The following UGDH variants were observed in gnomAD, a reference collection of about 807,000 sequenced individuals.
The protein encoded by UGDH is UDP-glucose 6-dehydrogenase.
UGDH carries 38 observed loss-of-function variants against 50.6 expected under a neutral mutation model. The observed-to-expected ratio is 0.75, with a 90% CI of 0.58 to 0.98. UGDH has a LOEUF of 0.98. Among genes scored for constraint, UGDH ranks in the 50% least tolerant of loss-of-function variants. The pLI is 0.00. For missense variants in UGDH, 465 were observed against 606.2 expected (o/e 0.77, Z 2.45); for synonymous variants, 168 against 199.9 (o/e 0.84, Z 1.35).
At chr4:39,516,944 T>C (rs1746459414) in intron 2 of UGDH, among the ~76,000 whole-genome samples, 1 of 152,152 alleles carries the variant, frequency 6.6e-6, no homozygotes, top group Non-Finnish European at 1.5e-5. Context: ...TTCATATACA[T>C]ATAATAAAAC....
intron 3 of UGDH, 99 bp downstream of exon 3, chr4:39,513,984 G>T: frequency 9.7e-7 from 1 of 1,029,278 alleles, no homozygotes; most frequent in Non-Finnish European, 1.4e-6. Context: ...ACTAAGCAAT[G>T]TTGAGGCTTA....
chr4:39,510,903 A>G (rs765573616), intron 3 of UGDH, 42 bp from the exon 4 acceptor site: 13 of 1,605,084 alleles, frequency 8.1e-6, no homozygotes, highest in Non-Finnish European at 9.4e-6. Flanking sequence ...TGCCTGTGAG[A>G]TAGGGATTTC....
chr4:39,508,462 G>A, intron 7 of UGDH, 104 bp downstream of exon 7: 1 of 1,133,200 alleles, frequency 8.8e-7, no homozygotes, highest in Non-Finnish European at 1.3e-6. Context: ...CCAAATTCCT[G>A]GCCTCAAGTG....
chr4:39,521,489 A>G lies in UGDH; in HGVS notation c.24T>C (p.Cys8=). The change falls in exon 2 of 12, where the codon TGT becomes TGC. Residue 8 remains cysteine, a synonymous_variant. Coordinates refer to ENST00000316423, the MANE Select transcript of UGDH (RefSeq NM_003359.4). Reference sequence around the variant, plus strand: ...CTCCAACATAGCCTGCACCGATGCAACAGATCTTCTTAATTTCAAACATGA... The same window carrying G: ...CTCCAACATAGCCTGCACCGATGCAGCAGATCTTCTTAATTTCAAACATGA... MFEIKKI[C]CIGAGYVGGP... 1 of 1,601,816 alleles carries G rather than the reference A, an allele frequency of 6.2e-7. No homozygotes were observed. The highest frequency in any genetic ancestry group is 2.2e-5 in the East Asian group (1 of 44,456).
chr4:39,508,553 T>C lies in UGDH; in HGVS notation c.906+13A>G, dbSNP rs1260197368. 1 of 1,609,306 alleles carries C rather than the reference T, an allele frequency of 6.2e-7. No individual in the cohort carries two copies. The highest frequency in any genetic ancestry group is 8.5e-7 in the Non-Finnish European group (1 of 1,178,054). On this transcript the variant is annotated intron_variant, in intron 7 of 11. Transcript: ENST00000316423. The stretch of plus-strand genomic sequence containing the variant: ...CTGGCTAAACAGAAATTATTACCTA[T>C]AGAGATTAATACCTGCTGCCAATAA...
intron 1 of UGDH, among the ~76,000 whole-genome samples, chr4:39,522,993 C>T (rs904523511): frequency 6.6e-6 from 1 of 151,954 alleles, no homozygotes; most frequent in Non-Finnish European, 1.5e-5. Context: ...GATTTCTTGA[C>T]CTCGTGATCC....
chr4:39,522,745 G>T (rs1461075711), intron 1 of UGDH, among the ~76,000 whole-genome samples: 2 of 150,406 alleles, frequency 1.3e-5, no homozygotes, highest in Non-Finnish European at 2.9e-5. Context: ...ATCAACTCAT[G>T]GAGTCTGATC....
At chr4:39,523,106 A>G (rs1746733066) in intron 1 of UGDH, among the ~76,000 whole-genome samples, 2 of 151,796 alleles carry the variant, frequency 1.3e-5, no homozygotes, top group South Asian at 4.2e-4. Context: ...GCTGAAGTGC[A>G]GTGGCACCAT....
At chr4:39,514,208 T>A (rs373231836) in intron 2 of UGDH, 24 bp from the exon 3 acceptor site, 90 of 1,534,068 alleles carry the variant, frequency 5.9e-5, no homozygotes, top group Middle Eastern at 1.7e-4. Context: ...AGAAAAGGAA[T>A]TGTACATATA....
At chr4:39,513,247 G>A (rs1283120428) in intron 3 of UGDH, among the ~76,000 whole-genome samples, 2 of 152,146 alleles carry the variant, frequency 1.3e-5, no homozygotes, top group African/African-American at 2.4e-5. Flanking sequence ...TGGTTTACTA[G>A]AGTTTAATCT....
intron 2 of UGDH, among the ~76,000 whole-genome samples, chr4:39,517,177 A>T (rs1045238222): frequency 2.0e-5 from 3 of 148,968 alleles, no homozygotes; most frequent in Non-Finnish European, 4.5e-5. Context: ...CAAATTATCC[A>T]TTTTTTTTTA....
intron 3 of UGDH, among the ~76,000 whole-genome samples, chr4:39,513,700 C>A (rs745909266): frequency 2.2e-4 from 34 of 152,142 alleles, no homozygotes; most frequent in Non-Finnish European, 4.1e-4. Flanking sequence ...CCACGCCCAG[C>A]TAATTTTTGT....
intron 1 of UGDH, among the ~76,000 whole-genome samples, chr4:39,523,533 G>A (rs1002867073): frequency 2.0e-5 from 3 of 152,044 alleles, no homozygotes; most frequent in South Asian, 2.1e-4. Context: ...GGCCAGGCAC[G>A]GTGGCTCATG....
intron 1 of UGDH, among the ~76,000 whole-genome samples, chr4:39,523,196 T>A (rs544871082): frequency 1.3e-5 from 2 of 152,102 alleles, no homozygotes; most frequent in South Asian, 4.1e-4. Flanking sequence ...GGACTACAGG[T>A]GCATGCCACC....
chr4:39,503,937 T>C lies in UGDH; in HGVS notation c.1312A>G (p.Ile438Val), dbSNP rs754871857. The C allele has an allele frequency of 2.1e-5, 34 of 1,614,096 alleles. No homozygotes were observed. The highest frequency in any genetic ancestry group is 2.7e-5 in the Non-Finnish European group (32 of 1,180,030). The change falls in exon 11 of 12, where the codon ATC (isoleucine) becomes GTC (valine). Residue 438 changes from isoleucine (I) to valine (V), a missense_variant. Physicochemically the swap from Ile to Val is conservative, Grantham distance 29 (BLOSUM62 3). Coordinates refer to ENST00000316423, the MANE Select transcript of UGDH (RefSeq NM_003359.4). ...IHKKMLKPAFIFDGRRVLDGL... is the reference protein window; with the variant it reads ...IHKKMLKPAFVFDGRRVLDGL... ...TCCAGGACACGCCGTCCATCGAAGATAAAGGCTGGCTTTAGCATTTTTTTA... is the reference window on the plus strand; with the variant it reads ...TCCAGGACACGCCGTCCATCGAAGACAAAGGCTGGCTTTAGCATTTTTTTA...
At chr4:39,523,131 T>C (rs942398019) in intron 1 of UGDH, among the ~76,000 whole-genome samples, 1 of 151,472 alleles carries the variant, frequency 6.6e-6, no homozygotes, top group Non-Finnish European at 1.5e-5. Context: ...GCTGCACTTA[T>C]TACAACCTCC....
chr4:39,519,784 C>A (rs1746577004), intron 2 of UGDH, among the ~76,000 whole-genome samples: 1 of 152,096 alleles, frequency 6.6e-6, no homozygotes, highest in South Asian at 2.1e-4. Context: ...AGGTAATCCG[C>A]CTGCCTTGGT....
chr4:39,522,497 C>G (rs1746704411), intron 1 of UGDH, among the ~76,000 whole-genome samples: 1 of 152,128 alleles, frequency 6.6e-6, no homozygotes. Flanking sequence ...ATTTGAATGC[C>G]TGGCAAGAAG....
At chr4:39,513,494 A>C (rs879643080) in intron 3 of UGDH, among the ~76,000 whole-genome samples, 4 of 150,562 alleles carry the variant, frequency 2.7e-5, no homozygotes, top group Non-Finnish European at 4.4e-5. Flanking sequence ...ATATACTATC[A>C]TCACATGTGC....
Sources: gnomAD v4.1 joint callset for allele counts (sites outside exome capture counted in the v4.1 genomes callset) on GRCh38, gnomAD v4.1.1 for gene constraint, MANE v1.5 for transcripts, NCBI Gene and HGNC (gene_info 2026-07-23, HGNC 2026-07-21) for gene names.